Variants in MYRIP observed in about 807,000 individuals in gnomAD.
MYRIP encodes rab effector MyRIP.
In MYRIP, 49 loss-of-function variants were observed where a neutral mutation model predicts 98.0. That is an observed-to-expected ratio of 0.50 (90% CI 0.40 to 0.63). The LOEUF is 0.63. Among genes scored for constraint, MYRIP ranks in the 30% least tolerant of loss-of-function variants. MYRIP has a pLI of 0.00. For synonymous variants in MYRIP, 404 were observed against 409.5 expected, an observed-to-expected ratio of 0.99 and a Z score of 0.16; for missense variants, 1,004 against 1,058.2, an observed-to-expected ratio of 0.95 and a Z score of 0.71.
chr3:39,881,140 A>G (rs1035132449), intron 1 of MYRIP, among the ~76,000 whole-genome samples: 1 of 152,120 alleles, frequency 6.6e-6, no homozygotes, highest in African/African-American at 2.4e-5. Context: ...TTTCATGGAT[A>G]AAATCAGTAT....
intron 13 of MYRIP, 159 bp downstream of exon 13, chr3:40,244,766 T>C: frequency 1.2e-6 from 1 of 821,620 alleles, no homozygotes; most frequent in Non-Finnish European, 1.8e-6. Context: ...CACCAAATTC[T>C]CCCTTTAAAA....
intron 3 of MYRIP, among the ~76,000 whole-genome samples, chr3:40,079,813 T>C (rs895434475): frequency 1.3e-5 from 2 of 152,238 alleles, no homozygotes; most frequent in Non-Finnish European, 2.9e-5. Flanking sequence ...AGAGAAGATA[T>C]TTCCATTGCA....
At chr3:39,910,437 T>C (rs890742824) in intron 2 of MYRIP, among the ~76,000 whole-genome samples, 1 of 152,160 alleles carries the variant, frequency 6.6e-6, no homozygotes, top group African/African-American at 2.4e-5. Context: ...AAACTTGGGA[T>C]GTGTTCAGGG....
intron 2 of MYRIP, among the ~76,000 whole-genome samples, chr3:40,043,609 C>T (rs1297226474): frequency 6.6e-6 from 1 of 152,102 alleles, no homozygotes; most frequent in Non-Finnish European, 1.5e-5. Flanking sequence ...CTTCAGTTTC[C>T]AGGGATGTTA....
intron 16 of MYRIP, among the ~76,000 whole-genome samples, chr3:40,252,852 C>T (rs1403138964): frequency 2.0e-5 from 3 of 152,038 alleles, no homozygotes; most frequent in African/African-American, 4.8e-5. Context: ...CTCTTTAGAC[C>T]CTAGGAAACA....
At chr3:39,924,943 T>C (rs947978638) in intron 2 of MYRIP, among the ~76,000 whole-genome samples, 12 of 151,898 alleles carry the variant, frequency 7.9e-5, no homozygotes, top group Non-Finnish European at 1.3e-4. Context: ...TCAAAATTTA[T>C]GGGAAACTGC....
intron 10 of MYRIP, among the ~76,000 whole-genome samples, chr3:40,196,333 CATAT>C (rs1029173560): frequency 6.6e-6 from 1 of 151,898 alleles, no homozygotes; most frequent in Non-Finnish European, 1.5e-5. Context: ...TAAAATATTT[CATAT>C]ATATTTCCAA....
At chr3:40,142,197 G>A (rs552789262) in intron 3 of MYRIP, among the ~76,000 whole-genome samples, 397 of 151,276 alleles carry the variant, frequency 2.6e-3, no homozygotes, top group Non-Finnish European at 3.9e-3. Flanking sequence ...GGATTAAGGC[G>A]CCTGCCACCA....
At chr3:40,080,791 C>CTTTT (rs34610302) in intron 3 of MYRIP, among the ~76,000 whole-genome samples, 220 of 93,780 alleles carry the variant, frequency 2.3e-3, no homozygotes, top group Non-Finnish European at 2.8e-3. Context: ...ATCCTAACTT[C>CTTTT]TTTTTTTTTT....
Position 40,233,928 on chromosome 3 carries a change from T to C in MYRIP, c.1975T>C (p.Leu659=). The change falls in exon 12 of 17, where the codon TTG becomes CTG. Residue 659 remains leucine, a synonymous_variant. Coordinates refer to ENST00000302541, the MANE Select transcript of MYRIP (RefSeq NM_015460.4). ...GAAAGTCATCAATGCCACAGAGGAG[T>C]TGATAGCAGGATCTACAGGGCCCTG... is the stretch of plus-strand genomic sequence containing the variant. The part of the protein sequence containing the change: ...VLKVINATEE[L]IAGSTGPWES... 1 of 1,613,492 alleles carries C rather than the reference T, an allele frequency of 6.2e-7. No individual in the cohort carries two copies. The highest frequency in any genetic ancestry group is 8.5e-7 in the Non-Finnish European group (1 of 1,179,808).
intron 1 of MYRIP, among the ~76,000 whole-genome samples, chr3:39,893,708 G>T (rs923615057): frequency 7.0e-6 from 1 of 142,230 alleles, no homozygotes; most frequent in Non-Finnish European, 1.5e-5. Context: ...ACACACACAC[G>T]CATGCACACA....
At chr3:39,896,026 G>C (rs1186818148) in intron 1 of MYRIP, among the ~76,000 whole-genome samples, 5 of 152,184 alleles carry the variant, frequency 3.3e-5, no homozygotes, top group Admixed American at 2.6e-4. Flanking sequence ...TGTTAGGACA[G>C]TTGGCCAACC....
chr3:39,926,657 T>C (rs1944426532), intron 2 of MYRIP, among the ~76,000 whole-genome samples: 1 of 152,088 alleles, frequency 6.6e-6, no homozygotes, highest in Non-Finnish European at 1.5e-5. Context: ...TGTGAGGCTC[T>C]ATGTCTGGAT....
chr3:39,981,067 C>T (rs978792324), intron 2 of MYRIP, among the ~76,000 whole-genome samples: 5 of 152,018 alleles, frequency 3.3e-5, no homozygotes, highest in African/African-American at 7.2e-5. Context: ...TATTTTACCA[C>T]GATTAAAATA....
At chr3:39,978,802 T>C (rs1347800868) in intron 2 of MYRIP, among the ~76,000 whole-genome samples, 1 of 152,114 alleles carries the variant, frequency 6.6e-6, no homozygotes, top group African/African-American at 2.4e-5. Context: ...ACACTTTATC[T>C]ATGTGTTTTA....
intron 1 of MYRIP, among the ~76,000 whole-genome samples, chr3:39,819,951 A>T (rs1051965194): frequency 6.6e-6 from 1 of 152,238 alleles, no homozygotes; most frequent in African/African-American, 2.4e-5. Context: ...CTGGGGCAAG[A>T]AAAAACACTG....
intron 4 of MYRIP, among the ~76,000 whole-genome samples, chr3:40,159,783 G>A (rs561668402): frequency 0.017 from 2,653 of 151,992 alleles, 39 homozygotes; most frequent in African/African-American, 0.037. Context: ...CCAGTTGATC[G>A]CATCGGCTCC....
chr3:40,241,452 A>G (rs59861487), intron 12 of MYRIP, among the ~76,000 whole-genome samples: 8,300 of 152,278 alleles, frequency 0.055, 392 homozygotes, highest in African/African-American at 0.13. Context: ...AAAGAAATAC[A>G]TTAGTCCCCT....
intron 2 of MYRIP, among the ~76,000 whole-genome samples, chr3:40,019,271 C>T (rs1340644897): frequency 6.6e-6 from 1 of 152,162 alleles, no homozygotes; most frequent in Admixed American, 6.6e-5. Flanking sequence ...CCCAGCCTTT[C>T]CTCACTATTT....
Sources: gnomAD v4.1 joint callset for allele counts (sites outside exome capture counted in the v4.1 genomes callset) on GRCh38, gnomAD v4.1.1 for gene constraint, MANE v1.5 for transcripts, NCBI Gene and HGNC (gene_info 2026-07-23, HGNC 2026-07-21) for gene names.